Variants in LRBA observed in about 807,000 individuals in gnomAD.
The protein encoded by LRBA is lipopolysaccharide-responsive and beige-like anchor protein.
A neutral mutation model predicts 330.0 loss-of-function variants in LRBA; 176 were observed. The ratio of observed to expected loss-of-function variants is 0.53; its 90% CI spans 0.47 to 0.60. The LOEUF (loss-of-function observed/expected upper bound fraction) is 0.60. LRBA is among the 20% of genes least tolerant of loss of function. LRBA has a pLI of 0.00. For synonymous variants in LRBA, 1,230 were observed against 1,193.0 expected (o/e 1.03, Z -0.64); for missense variants, 3,259 against 3,444.8 (o/e 0.95, Z 1.35).
intron 42 of LRBA, among the ~76,000 whole-genome samples, chr4:150,477,790 C>T (rs1756880677): frequency 6.6e-6 from 1 of 151,922 alleles, no homozygotes; most frequent in South Asian, 2.1e-4. Flanking sequence ...ATGCTCCTGC[C>T]ATATAAGATA....
chr4:150,603,938 T>C (rs1422917769), intron 37 of LRBA, among the ~76,000 whole-genome samples: 4 of 152,140 alleles, frequency 2.6e-5, no homozygotes, highest in East Asian at 3.8e-4. Context: ...AGGCCCTTTA[T>C]GGTTACTGAT....
Position 150,844,210 on chromosome 4 carries a change from A to G in LRBA, c.4462-3T>C. 1 of 1,522,176 alleles carries G rather than the reference A, an allele frequency of 6.6e-7. No homozygotes were observed. The highest frequency in any genetic ancestry group is 2.3e-5 in the East Asian group (1 of 44,198). 94.3% of individuals were successfully genotyped at this position (1,522,176 alleles called of 1,614,324 possible). A position where few individuals can be genotyped will look rare whatever the true frequency, so the allele number is the denominator to read the frequency against. On this transcript the variant is annotated splice_region_variant and splice_polypyrimidine_tract_variant and intron_variant, in intron 27 of 56. Coordinates refer to ENST00000651943, the MANE Select transcript of LRBA (RefSeq NM_001364905.1). ...CCAGTCACAATGTCCACTGGGCTCT[A>G]TTTAAGATTAAAAAAAAATTGTATA...
rs778310385 is a variant in LRBA at position 150,850,824 on chromosome 4, T to C, written c.3904A>G (p.Thr1302Ala). The C allele has an allele frequency of 6.2e-7, 1 of 1,613,708 alleles. No homozygotes were observed. The highest frequency in any genetic ancestry group is 1.3e-5 in the African/African-American group (1 of 74,924). Residue 1302 changes from threonine to alanine, a missense_variant, in exon 24 of 57, where the codon ACT (threonine) becomes GCT (alanine). Thr to Ala is a moderately conservative substitution (Grantham distance 58, BLOSUM62 0). Transcript: ENST00000651943. ...TTGAACTCAGGAATACGAAACACAGTAGATCTGGAATCCCTCCTTTGTCCA... is the reference window on the plus strand; with the variant it reads ...TTGAACTCAGGAATACGAAACACAGCAGATCTGGAATCCCTCCTTTGTCCA... ...VNGQRRDSRS[T>A]VFRIPEFNWS... is the part of the protein sequence containing the mutation.
At chr4:150,632,214 GAGTGAGACTCTGTCTCAAGGA>G (rs1289617538) in intron 37 of LRBA, among the ~76,000 whole-genome samples, 8 of 137,158 alleles carry the variant, frequency 5.8e-5, no homozygotes, top group African/African-American at 2.2e-4. Flanking sequence ...CTGGGAGACA[GAGTGAGACTCTGTCTCAAGGA>G]AAAAAAAAAA....
intron 37 of LRBA, among the ~76,000 whole-genome samples, chr4:150,664,979 G>T (rs1420492841): frequency 1.3e-5 from 2 of 152,072 alleles, no homozygotes; most frequent in Non-Finnish European, 2.9e-5. Flanking sequence ...TATTCACAAG[G>T]AATCACAGGA....
rs1303754787 is a variant in LRBA, at chr4:150,787,219, C to CAA, written c.5580+10860_5580+10861dup. 1.5e-3 allele frequency among the ~76,000 whole-genome samples: 176 copies of CAA among 115,396 alleles called. 3 individuals carry two copies. The East Asian group carries it at 0.032, about 21-fold the overall frequency. 75.7% of individuals were successfully genotyped at this position (115,396 alleles called of 152,430 possible). A position where few individuals can be genotyped will look rare whatever the true frequency, so the allele number is the denominator to read the frequency against. ...TGGGTGACACAGACAGACTCCATCT[C>CAA]AAAAAAAAAAAAAACACTGATTCAG... On this transcript the variant is annotated intron_variant, in intron 34 of 56. Transcript: ENST00000651943.
chr4:150,587,346 G>A (rs1447301945), intron 40 of LRBA, among the ~76,000 whole-genome samples: 1 of 152,044 alleles, frequency 6.6e-6, no homozygotes, highest in Non-Finnish European at 1.5e-5. Context: ...TCTACAGATT[G>A]CTTATTTTGC....
intron 40 of LRBA, among the ~76,000 whole-genome samples, chr4:150,531,499 A>G (rs910992364): frequency 7.2e-5 from 11 of 152,198 alleles, no homozygotes; most frequent in African/African-American, 2.7e-4. Context: ...ACCATATGAC[A>G]TACGTGTTTA....
chr4:150,893,369 G>A (rs556100605), intron 16 of LRBA, among the ~76,000 whole-genome samples: 1 of 151,996 alleles, frequency 6.6e-6, no homozygotes, highest in East Asian at 1.9e-4. Context: ...TTTGTGCGGG[G>A]GGGCAGAGTC....
chr4:150,274,497 A>G (rs1384732937), intron 56 of LRBA, among the ~76,000 whole-genome samples: 1 of 152,194 alleles, frequency 6.6e-6, no homozygotes, highest in East Asian at 1.9e-4. Context: ...CTTCAGATCA[A>G]TGAATCCAGG....
intron 2 of LRBA, among the ~76,000 whole-genome samples, chr4:150,997,406 T>C (rs1416328869): frequency 6.6e-6 from 1 of 152,196 alleles, no homozygotes; most frequent in East Asian, 1.9e-4. Flanking sequence ...AACTATTGTG[T>C]TTCAAAAGTT....
intron 28 of LRBA, among the ~76,000 whole-genome samples, chr4:150,832,927 ATCC>A (rs1171080249): frequency 1.3e-5 from 2 of 151,926 alleles, no homozygotes; most frequent in Non-Finnish European, 2.9e-5. Context: ...ACACCACCAC[ATCC>A]AGCTAATTTT....
At chr4:150,327,652 C>T (rs1438576251) in intron 48 of LRBA, among the ~76,000 whole-genome samples, 1 of 152,202 alleles carries the variant, frequency 6.6e-6, no homozygotes, top group Admixed American at 6.5e-5. Context: ...CTCCGTTTCC[C>T]ATCTACAAAG....
At chr4:150,905,097 G>T (rs1731183262) in intron 13 of LRBA, among the ~76,000 whole-genome samples, 2 of 152,002 alleles carry the variant, frequency 1.3e-5, no homozygotes, top group South Asian at 4.1e-4. Flanking sequence ...TTAGGACAAT[G>T]TATTACAACA....
intron 47 of LRBA, among the ~76,000 whole-genome samples, chr4:150,376,380 G>A (rs565610940): frequency 1.1e-4 from 16 of 152,120 alleles, no homozygotes; most frequent in African/African-American, 3.4e-4. Flanking sequence ...ACAAAATTGT[G>A]GTTTTCGCCT....
At chr4:150,679,766 G>T (rs540485759) in intron 37 of LRBA, 1 of 152,196 alleles carries the variant, frequency 6.6e-6, no homozygotes, top group South Asian at 2.1e-4. Context: ...TTGATATGAG[G>T]TTCCGTTAAA....
intron 37 of LRBA, among the ~76,000 whole-genome samples, chr4:150,655,222 T>G (rs1323582725): frequency 6.6e-6 from 1 of 152,182 alleles, no homozygotes; most frequent in African/African-American, 2.4e-5. Context: ...TAATTACATT[T>G]GCCCCTCCCC....
At chr4:151,003,396 CAA>C (rs55783969) in intron 2 of LRBA, among the ~76,000 whole-genome samples, 128 of 88,962 alleles carry the variant, frequency 1.4e-3, no homozygotes, top group African/African-American at 1.8e-3. Flanking sequence ...GATTCGGTTT[CAA>C]AAAAAAAAAA....
intron 48 of LRBA, among the ~76,000 whole-genome samples, chr4:150,341,597 C>T (rs1412402107): frequency 1.3e-5 from 2 of 152,070 alleles, no homozygotes; most frequent in South Asian, 2.1e-4. Flanking sequence ...GCTTCACTGA[C>T]TTAACTCAAA....
Sources: allele counts gnomAD v4.1 joint callset (sites outside exome capture counted in the v4.1 genomes callset), GRCh38; gene constraint gnomAD v4.1.1; transcripts MANE v1.5; gene names NCBI Gene and HGNC (gene_info 2026-07-23, HGNC 2026-07-21).